KCNT2: variants seen among roughly 807,000 people sequenced by gnomAD.
KCNT2 encodes potassium sodium-activated channel subfamily T member 2, also known as potassium channel subfamily T member 2.
KCNT2 carries 67 observed loss-of-function variants against 153.8 expected under a neutral mutation model. The ratio of observed to expected loss-of-function variants is 0.44; its 90% CI spans 0.36 to 0.53. The LOEUF is 0.53. Among genes scored for constraint, KCNT2 ranks in the 20% least tolerant of loss-of-function variants. The pLI is 0.00. For synonymous variants in KCNT2, 500 were observed against 458.8 expected, an observed-to-expected ratio of 1.09 and a Z score of -1.15; for missense variants, 975 against 1,354.8, an observed-to-expected ratio of 0.72 and a Z score of 4.40.
At chr1:196,436,810 C>T (rs1281721595) in intron 8 of KCNT2, among the ~76,000 whole-genome samples, 1 of 149,748 alleles carries the variant, frequency 6.7e-6, no homozygotes, top group Non-Finnish European at 1.5e-5. Context: ...TTTGCCTTAT[C>T]ATAAAAGAAA....
At chr1:196,508,616 A>G (rs918842939) in intron 1 of KCNT2, among the ~76,000 whole-genome samples, 3 of 152,238 alleles carry the variant, frequency 2.0e-5, no homozygotes, top group Admixed American at 6.5e-5. Flanking sequence ...TTAAGAACAA[A>G]CATGTAACCA....
At chr1:196,607,329 A>C (rs983157610) in intron 1 of KCNT2, among the ~76,000 whole-genome samples, 2 of 152,238 alleles carry the variant, frequency 1.3e-5, no homozygotes, top group African/African-American at 4.8e-5. Context: ...GTGGCATGTG[A>C]TATATGGGAT....
chr1:196,495,994 A>G (rs1455896019), intron 1 of KCNT2, among the ~76,000 whole-genome samples: 1 of 151,988 alleles, frequency 6.6e-6, no homozygotes, highest in Non-Finnish European at 1.5e-5. Context: ...GTTTTATTCC[A>G]ATCTTTAACT....
At chr1:196,492,404 G>A in intron 1 of KCNT2, 63 bp from the exon 2 acceptor site, 2 of 1,127,836 alleles carry the variant, frequency 1.8e-6, no homozygotes, top group South Asian at 2.3e-5. Flanking sequence ...TTTTCATGAA[G>A]ATCAACAAAT....
At chr1:196,380,036 CA>C (rs1232160973) in intron 13 of KCNT2, among the ~76,000 whole-genome samples, 3 of 152,132 alleles carry the variant, frequency 2.0e-5, no homozygotes, top group Admixed American at 1.3e-4. Flanking sequence ...AGTGGCAAAA[CA>C]ATATAGCATA....
chr1:196,353,122 A>T (rs574174587), intron 14 of KCNT2, among the ~76,000 whole-genome samples: 1 of 152,074 alleles, frequency 6.6e-6, no homozygotes, highest in South Asian at 2.1e-4. Flanking sequence ...GCTCCACAGC[A>T]GTCTCTACTC....
At position 196,250,202 on chromosome 1, in the gene KCNT2, G is replaced by A. The variant is rs569766619; in HGVS notation, c.3211+7992C>T. Among the ~76,000 whole-genome samples, 474 of 152,048 alleles carry A rather than the reference G, an allele frequency of 3.1e-3. 1 individual carries two copies. The highest frequency in any genetic ancestry group is 5.1e-3 in the Non-Finnish European group (346 of 67,960). Reference sequence around the variant, plus strand: ...ATTACCTGACTTCATATTATACTACGGAGCTAAAGTAACTAAAGCAGCATG... The same window carrying A: ...ATTACCTGACTTCATATTATACTACAGAGCTAAAGTAACTAAAGCAGCATG... On this transcript the variant is annotated intron_variant, in intron 26 of 27. Transcript: ENST00000294725.
chr1:196,335,713 ATAGTGATTTTT>A (rs1401106036), intron 16 of KCNT2, among the ~76,000 whole-genome samples: 1 of 152,142 alleles, frequency 6.6e-6, no homozygotes, highest in Non-Finnish European at 1.5e-5. Flanking sequence ...CTTCACTTCC[ATAGTGATTTTT>A]TAGACCTTGT....
At chr1:196,568,823 A>G (rs769147130) in intron 1 of KCNT2, among the ~76,000 whole-genome samples, 11 of 151,710 alleles carry the variant, frequency 7.3e-5, no homozygotes, top group Non-Finnish European at 1.5e-4. Flanking sequence ...ATTGAAGCAA[A>G]TAGTAAATAC....
At chr1:196,402,348 G>A (rs749973670) in intron 12 of KCNT2, among the ~76,000 whole-genome samples, 1 of 151,542 alleles carries the variant, frequency 6.6e-6, no homozygotes, top group South Asian at 2.1e-4. Flanking sequence ...ATTGTTTAGT[G>A]TAGTTTCTAA....
chr1:196,300,302 C>T (rs530902431), intron 22 of KCNT2, among the ~76,000 whole-genome samples: 25 of 152,242 alleles, frequency 1.6e-4, no homozygotes, highest in Admixed American at 3.9e-4. Flanking sequence ...GTTATCCTTC[C>T]GTGTTTTTAG....
At chr1:196,301,144 T>C (rs917852342) in intron 22 of KCNT2, among the ~76,000 whole-genome samples, 3 of 152,180 alleles carry the variant, frequency 2.0e-5, no homozygotes, top group Non-Finnish European at 2.9e-5. Flanking sequence ...TCACAAACCA[T>C]TGTCTGCTCT....
chr1:196,466,990 C>T (rs1447587395), intron 7 of KCNT2, among the ~76,000 whole-genome samples: 1 of 151,952 alleles, frequency 6.6e-6, no homozygotes, highest in African/African-American at 2.4e-5. Flanking sequence ...ATATCCCACT[C>T]ACAACCCCGC....
chr1:196,390,058 A>T (rs2148407233), intron 13 of KCNT2, among the ~76,000 whole-genome samples: 1 of 151,496 alleles, frequency 6.6e-6, no homozygotes, highest in Non-Finnish European at 1.5e-5. Flanking sequence ...CGCTGTTTTT[A>T]GATTTCTGGT....
intron 14 of KCNT2, among the ~76,000 whole-genome samples, chr1:196,351,379 T>C (rs1666678574): frequency 6.6e-6 from 1 of 152,182 alleles, no homozygotes; most frequent in African/African-American, 2.4e-5. Flanking sequence ...TTTTATTTCA[T>C]TGAGCAGTGG....
chr1:196,258,977 C>A (rs1656762525), intron 25 of KCNT2, among the ~76,000 whole-genome samples: 1 of 152,040 alleles, frequency 6.6e-6, no homozygotes. Context: ...TTTCTAAAGA[C>A]AGCACTGGCA....
intron 19 of KCNT2, among the ~76,000 whole-genome samples, chr1:196,323,205 T>C (rs187127652): frequency 2.0e-5 from 3 of 152,044 alleles, no homozygotes; most frequent in Non-Finnish European, 4.4e-5. Context: ...GATTTTATCA[T>C]TACTTTCAAA....
intron 13 of KCNT2, among the ~76,000 whole-genome samples, chr1:196,395,781 T>C (rs1176718142): frequency 6.6e-6 from 1 of 151,608 alleles, no homozygotes; most frequent in Non-Finnish European, 1.5e-5. Context: ...GCTTACTTTT[T>C]AAACATAAAT....
chr1:196,374,292 A>G (rs1312064453), intron 13 of KCNT2, among the ~76,000 whole-genome samples: 3 of 151,844 alleles, frequency 2.0e-5, no homozygotes, highest in East Asian at 1.9e-4. Context: ...ACAATTTATG[A>G]AGAAAGAAGA....
Sources: gnomAD v4.1 joint callset for allele counts (sites outside exome capture counted in the v4.1 genomes callset) on GRCh38, gnomAD v4.1.1 for gene constraint, MANE v1.5 for transcripts, NCBI Gene and HGNC (gene_info 2026-07-23, HGNC 2026-07-21) for gene names.